The following GSTCD variants were observed in gnomAD, a reference collection of about 807,000 sequenced individuals.
GSTCD encodes glutathione S-transferase C-terminal domain containing.
GSTCD carries 44 observed loss-of-function variants against 68.3 expected under a neutral mutation model. That is an observed-to-expected ratio of 0.64 (90% CI 0.51 to 0.83). The LOEUF (loss-of-function observed/expected upper bound fraction) is 0.83. Among genes scored for constraint, GSTCD ranks in the 40% least tolerant of loss-of-function variants. The pLI, the probability that GSTCD is intolerant of heterozygous loss-of-function variation, is 0.00. For missense variants in GSTCD, 739 were observed against 735.9 expected, an observed-to-expected ratio of 1.00 and a Z score of -0.05; for synonymous variants, 273 against 255.2, an observed-to-expected ratio of 1.07 and a Z score of -0.67.
chr4:105,715,911 T>G (rs950818320), intron 1 of GSTCD, among the ~76,000 whole-genome samples: 1 of 152,090 alleles, frequency 6.6e-6, no homozygotes, highest in Non-Finnish European at 1.5e-5. Context: ...ATTTATGTAT[T>G]AGAACATTAG....
chr4:105,756,284 A>G (rs900982772), intron 5 of GSTCD, among the ~76,000 whole-genome samples: 16 of 152,088 alleles, frequency 1.1e-4, no homozygotes, highest in African/African-American at 3.6e-4. Flanking sequence ...TATTAATTCA[A>G]TTTCCATCCC....
At chr4:105,716,860 T>TAGGAGATCAAGGAGAACA (rs1732696576) in intron 1 of GSTCD, among the ~76,000 whole-genome samples, 2 of 152,166 alleles carry the variant, frequency 1.3e-5, no homozygotes, top group Admixed American at 1.3e-4. Context: ...AGGAGATTTT[T>TAGGAGATCAAGGAGAACA]GTAGGCTGTT....
intron 5 of GSTCD, among the ~76,000 whole-genome samples, chr4:105,820,145 T>C (rs973540072): frequency 2.3e-4 from 35 of 151,466 alleles, no homozygotes; most frequent in African/African-American, 6.5e-4. Flanking sequence ...TTTTTTTTCA[T>C]TATTTGATGC....
chr4:105,742,912 CA>C (rs1733676892), intron 5 of GSTCD, among the ~76,000 whole-genome samples: 1 of 150,568 alleles, frequency 6.6e-6, no homozygotes, highest in African/African-American at 2.4e-5. Flanking sequence ...ACGGAGGTCA[CA>C]CTGTGTTGCC....
chr4:105,714,301 C>T (rs993351120), intron 1 of GSTCD, among the ~76,000 whole-genome samples: 1 of 152,122 alleles, frequency 6.6e-6, no homozygotes, highest in African/African-American at 2.4e-5. Flanking sequence ...GTAAATTACT[C>T]TATTTCTGTG....
At chr4:105,785,542 A>G (rs1045489593) in intron 5 of GSTCD, among the ~76,000 whole-genome samples, 12 of 152,186 alleles carry the variant, frequency 7.9e-5, no homozygotes, top group African/African-American at 2.9e-4. Context: ...TTGACACTCA[A>G]TTTCCCTAAT....
intron 5 of GSTCD, among the ~76,000 whole-genome samples, chr4:105,808,857 A>G (rs1722637215): frequency 6.6e-6 from 1 of 152,094 alleles, no homozygotes; most frequent in Non-Finnish European, 1.5e-5. Context: ...TTGCCCAGCA[A>G]ATCCACACTG....
In GSTCD at chr4:105,717,806, G is replaced by A. The variant is rs1298952607; in HGVS notation, c.193G>A (p.Asp65Asn). 1 of 1,613,990 alleles carries A rather than the reference G, an allele frequency of 6.2e-7. No homozygotes were observed. ...GAGTAGAGATAGTTCACTACTAAGA[G>A]ATGACCTGATCCAGGATGTTGAAAT... is the stretch of plus-strand genomic sequence containing the variant. ...EVSRDSSLLRDDLIQDVEIQI... is the reference protein window; with the variant it reads ...EVSRDSSLLRNDLIQDVEIQI... The change falls in exon 2 of 12, where the codon GAT becomes AAT. Residue 65 changes from aspartate (D) to asparagine (N), a missense_variant. Asp to Asn is a conservative substitution (Grantham distance 23). Transcript: ENST00000515279.
intron 7 of GSTCD, among the ~76,000 whole-genome samples, chr4:105,825,384 C>A (rs956792732): frequency 6.6e-6 from 1 of 152,220 alleles, no homozygotes; most frequent in African/African-American, 2.4e-5. Context: ...CTTGCCTCGG[C>A]CTCCCAAAGT....
chr4:105,722,299 C>CA (rs1346352502), intron 3 of GSTCD, among the ~76,000 whole-genome samples: 1 of 152,034 alleles, frequency 6.6e-6, no homozygotes, highest in African/African-American at 2.4e-5. Flanking sequence ...TTGGGAACCT[C>CA]ACTTTTTGCT....
intron 5 of GSTCD, among the ~76,000 whole-genome samples, chr4:105,746,066 A>G (rs1733790851): frequency 6.6e-6 from 1 of 152,164 alleles, no homozygotes; most frequent in African/African-American, 2.4e-5. Flanking sequence ...CATGGGGGTT[A>G]GGGTCGCTGA....
chr4:105,730,749 A>C (rs1412295461), intron 5 of GSTCD, among the ~76,000 whole-genome samples: 2 of 152,184 alleles, frequency 1.3e-5, no homozygotes, highest in Non-Finnish European at 2.9e-5. Flanking sequence ...TAGTTTAATT[A>C]GATCCCTTTT....
At chr4:105,770,631 T>G (rs941795192) in intron 5 of GSTCD, among the ~76,000 whole-genome samples, 4 of 152,210 alleles carry the variant, frequency 2.6e-5, no homozygotes, top group Non-Finnish European at 5.9e-5. Flanking sequence ...TGTTTGGTTT[T>G]CTGTCCCTGT....
chr4:105,806,120 C>T (rs1722479509), intron 5 of GSTCD, among the ~76,000 whole-genome samples: 1 of 152,042 alleles, frequency 6.6e-6, no homozygotes, highest in African/African-American at 2.4e-5. Flanking sequence ...ATTCAATAAA[C>T]ATATCTGAAA....
intron 5 of GSTCD, among the ~76,000 whole-genome samples, chr4:105,815,800 C>G (rs939724368): frequency 6.6e-6 from 1 of 152,138 alleles, no homozygotes; most frequent in Non-Finnish European, 1.5e-5. Flanking sequence ...CTATTTTCTA[C>G]AGTTAGCCTT....
intron 1 of GSTCD, chr4:105,712,374 T>C (rs1732563905): frequency 6.6e-6 from 1 of 152,166 alleles, no homozygotes; most frequent in Non-Finnish European, 1.5e-5. Context: ...TATTCTCAAG[T>C]GGCACCTTCC....
At chr4:105,732,142 G>A (rs1733267275) in intron 5 of GSTCD, among the ~76,000 whole-genome samples, 1 of 152,140 alleles carries the variant, frequency 6.6e-6, no homozygotes, top group Non-Finnish European at 1.5e-5. Context: ...AGGGATATTG[G>A]TCTAAAATTC....
In GSTCD at chr4:105,845,557, AT is replaced by A. The variant is rs1158092119; in HGVS notation, c.1884del (p.Ile628MetfsTer39). 26 of 1,614,058 alleles carry A rather than the reference AT, an allele frequency of 1.6e-5. No individual in the cohort carries two copies. Among genetic ancestry groups the A allele is most frequent in the Non-Finnish European group, 2.0e-5 (24 of 1,179,964 alleles). On this transcript the variant is annotated frameshift_variant, in exon 12 of 12. Coordinates refer to ENST00000515279, the MANE Select transcript of GSTCD (RefSeq NM_001370181.1). LOFTEE classifies it high-confidence loss of function. The stretch of plus-strand genomic sequence containing the variant: ...GAGCTGCTCTCCCAAAAATAACATG[AT>A]TGTGGGAGTCCCCATTTAAAATGAG... ...PESCSPKNNM[I>X]VGVPI is the part of the protein sequence containing the mutation.
At chr4:105,827,394 A>T (rs183310976) in intron 8 of GSTCD, among the ~76,000 whole-genome samples, 2 of 152,322 alleles carry the variant, frequency 1.3e-5, no homozygotes, top group African/African-American at 2.4e-5. Context: ...AAAAATGTAT[A>T]TATCTCTTTG....
Sources: allele counts gnomAD v4.1 joint callset (sites outside exome capture counted in the v4.1 genomes callset), GRCh38; gene constraint gnomAD v4.1.1; transcripts MANE v1.5; gene names NCBI Gene and HGNC (gene_info 2026-07-23, HGNC 2026-07-21).